The following THSD7B variants were observed in gnomAD, a reference collection of about 807,000 sequenced individuals.
THSD7B encodes thrombospondin type-1 domain-containing protein 7B.
Under a neutral mutation model 213.6 loss-of-function variants are expected in THSD7B, and 138 were observed. The observed-to-expected ratio is 0.65, with a 90% CI of 0.56 to 0.74. The LOEUF (loss-of-function observed/expected upper bound fraction) is 0.74, where lower values mean the gene tolerates loss of function less well. Ranked by LOEUF, THSD7B falls within the 30% of genes least tolerant of loss-of-function variation. The pLI is 0.00. For synonymous variants in THSD7B, 742 were observed against 687.0 expected (o/e 1.08, Z -1.25); for missense variants, 1,931 against 1,991.5 (o/e 0.97, Z 0.58).
intron 14 of THSD7B, among the ~76,000 whole-genome samples, chr2:137,446,276 A>G (rs907392697): frequency 5.3e-5 from 8 of 152,184 alleles, no homozygotes; most frequent in African/African-American, 1.9e-4. Flanking sequence ...AAATGCACAT[A>G]AGGTAATATT....
intron 15 of THSD7B, among the ~76,000 whole-genome samples, chr2:137,484,053 G>A (rs550211494): frequency 1.2e-3 from 186 of 151,664 alleles, no homozygotes; most frequent in African/African-American, 4.4e-3. Context: ...AAGTTTTAGG[G>A]TACATGTGCA....
At chr2:136,997,926 C>T (rs1355274174) in intron 2 of THSD7B, among the ~76,000 whole-genome samples, 1 of 152,080 alleles carries the variant, frequency 6.6e-6, no homozygotes, top group South Asian at 2.1e-4. Context: ...AAGGGTTCCT[C>T]ATGCTACCAA....
intron 12 of THSD7B, among the ~76,000 whole-genome samples, chr2:137,285,883 C>A (rs2104825667): frequency 6.6e-6 from 1 of 152,024 alleles, no homozygotes; most frequent in Non-Finnish European, 1.5e-5. Flanking sequence ...GTGGGCGGAT[C>A]ACCTGAGGTC....
intron 15 of THSD7B, among the ~76,000 whole-genome samples, chr2:137,532,969 A>G (rs1680427478): frequency 6.6e-6 from 1 of 151,236 alleles, no homozygotes; most frequent in African/African-American, 2.4e-5. Flanking sequence ...TTATGTATCT[A>G]TATCTATATA....
chr2:136,982,239 TTCTCTCTCCAAAATAC>T (rs1469947883), intron 2 of THSD7B, among the ~76,000 whole-genome samples: 1 of 152,270 alleles, frequency 6.6e-6, no homozygotes, highest in East Asian at 1.9e-4. Flanking sequence ...GATCCTTGGT[TTCTCTCTCCAAAATAC>T]TCTTTCTAGG....
intron 2 of THSD7B, among the ~76,000 whole-genome samples, chr2:136,900,505 G>GA (rs1295539413): frequency 4.6e-5 from 7 of 151,822 alleles, no homozygotes; most frequent in Non-Finnish European, 8.8e-5. Flanking sequence ...ATTTTTGTTT[G>GA]AAAAAAACAG....
intron 12 of THSD7B, among the ~76,000 whole-genome samples, chr2:137,310,299 CTTCTT>C (rs1683864147): frequency 6.7e-6 from 1 of 149,720 alleles, no homozygotes; most frequent in Non-Finnish European, 1.5e-5. Flanking sequence ...GCATAAATGT[CTTCTT>C]TTGAGAAGTG....
At chr2:137,626,726 G>A (rs1215929417) in intron 20 of THSD7B, among the ~76,000 whole-genome samples, 1 of 152,148 alleles carries the variant, frequency 6.6e-6, no homozygotes, top group Non-Finnish European at 1.5e-5. Flanking sequence ...GCAGCAGCCT[G>A]AGCTTTGCTG....
At chr2:137,426,659 A>G (rs79727211) in intron 14 of THSD7B, among the ~76,000 whole-genome samples, 5,646 of 152,288 alleles carry the variant, frequency 0.037, 146 homozygotes, top group Non-Finnish European at 0.052. Context: ...AACTCAAAAT[A>G]GTTTAAAGAT....
At chr2:137,227,903 C>T (rs1681546843) in intron 7 of THSD7B, among the ~76,000 whole-genome samples, 1 of 151,864 alleles carries the variant, frequency 6.6e-6, no homozygotes, top group Non-Finnish European at 1.5e-5. Context: ...TTAAGGTTCC[C>T]CTATATTGAG....
chr2:137,531,103 C>G (rs2105179483), intron 15 of THSD7B, among the ~76,000 whole-genome samples: 1 of 152,012 alleles, frequency 6.6e-6, no homozygotes, highest in South Asian at 2.1e-4. Flanking sequence ...AAAATAAAAT[C>G]ATAGTAAACA....
rs750661110 is a variant in THSD7B at position 137,663,379 on chromosome 2, G to C, written c.4459-4G>C. ...TAACCATAAAAATATTCTTTATGCT[G>C]TAGGGTGGAGTCTGTGGTTGTGAGA... is the stretch of plus-strand genomic sequence containing the variant. On this transcript the variant is annotated splice_polypyrimidine_tract_variant and splice_region_variant and intron_variant, in intron 25 of 27. Transcript: ENST00000409968. 6.4e-7 allele frequency: 1 copy of C among 1,561,266 alleles called. No homozygotes were observed. Among genetic ancestry groups the C allele is most frequent in the East Asian group, 2.3e-5 (1 of 43,554 alleles).
chr2:136,909,888 G>A (rs1243559960), intron 2 of THSD7B, among the ~76,000 whole-genome samples: 2 of 152,052 alleles, frequency 1.3e-5, no homozygotes, highest in African/African-American at 4.8e-5. Context: ...ATTTCCTTAG[G>A]GGTGAGCACA....
At chr2:136,965,792 C>T (rs923548459) in intron 2 of THSD7B, among the ~76,000 whole-genome samples, 31 of 151,874 alleles carry the variant, frequency 2.0e-4, no homozygotes, top group Admixed American at 9.2e-4. Flanking sequence ...TAAACTTTCC[C>T]TTTAGGTTTT....
chr2:137,460,067 C>T (rs1687854730), intron 15 of THSD7B, among the ~76,000 whole-genome samples: 2 of 152,152 alleles, frequency 1.3e-5, no homozygotes, highest in African/African-American at 4.8e-5. Context: ...GTAATCACTC[C>T]TTGTCTGCAT....
At chr2:136,845,520 TTATG>T (rs1332192438) in intron 1 of THSD7B, among the ~76,000 whole-genome samples, 1 of 152,212 alleles carries the variant, frequency 6.6e-6, no homozygotes, top group Non-Finnish European at 1.5e-5. Context: ...CCTGGTTTGT[TTATG>T]TATTTATTTT....
intron 9 of THSD7B, among the ~76,000 whole-genome samples, chr2:137,239,181 G>C (rs190805659): frequency 1.2e-4 from 19 of 152,052 alleles, no homozygotes; most frequent in Admixed American, 1.2e-3. Flanking sequence ...ACTTGCAAAA[G>C]TTGTACAGAG....
chr2:136,780,563 T>A (rs1452748846), intron 1 of THSD7B, among the ~76,000 whole-genome samples: 2 of 152,208 alleles, frequency 1.3e-5, no homozygotes, highest in Admixed American at 1.3e-4. Context: ...AAGTTTTCCC[T>A]AATGATCACC....
In THSD7B at chr2:137,308,175, C is replaced by T. The variant is rs148816459; in HGVS notation, c.2500+32149C>T. ...CTAGAACATTGTATGCATGTGCACT[C>T]ACACTCATAAACTCATACTTCAGTC... On this transcript the variant is annotated intron_variant, in intron 12 of 27. Coordinates refer to ENST00000409968, the MANE Select transcript of THSD7B (RefSeq NM_001316349.2). 3.3e-5 allele frequency among the ~76,000 whole-genome samples: 5 copies of T among 152,090 alleles called. No homozygotes were observed. In the East Asian group the frequency reaches 9.7e-4, roughly 29 times the overall value.
Sources: gnomAD v4.1 joint callset for allele counts (sites outside exome capture counted in the v4.1 genomes callset) on GRCh38, gnomAD v4.1.1 for gene constraint, MANE v1.5 for transcripts, NCBI Gene and HGNC (gene_info 2026-07-23, HGNC 2026-07-21) for gene names.